Variants in ASTN2 observed in about 807,000 individuals in gnomAD.
The protein encoded by ASTN2 is astrotactin-2.
A neutral mutation model predicts 139.8 loss-of-function variants in ASTN2; 54 were observed. The observed-to-expected ratio is 0.39, with a 90% confidence interval of 0.31 to 0.48. The LOEUF (loss-of-function observed/expected upper bound fraction) is 0.48, where lower values mean the gene tolerates loss of function less well. Among genes scored for constraint, ASTN2 ranks in the 20% least tolerant of loss-of-function variants. The pLI, the probability that ASTN2 is intolerant of heterozygous loss-of-function variation, is 0.95. For missense variants in ASTN2, 1,565 were observed against 1,725.1 expected (o/e 0.91, Z 1.64); for synonymous variants, 756 against 719.5 (o/e 1.05, Z -0.81).
chr9:117,166,508 G>A (rs987140856), intron 3 of ASTN2, among the ~76,000 whole-genome samples: 11 of 152,102 alleles, frequency 7.2e-5, no homozygotes, highest in African/African-American at 2.7e-4. Flanking sequence ...GTCTATAACA[G>A]CCTCTTCATC....
intron 11 of ASTN2, among the ~76,000 whole-genome samples, chr9:116,838,457 C>G (rs1362841246): frequency 1.3e-5 from 2 of 151,570 alleles, no homozygotes; most frequent in Admixed American, 6.6e-5. Context: ...GAGTTTCACT[C>G]TTGTTGCCCA....
intron 10 of ASTN2, among the ~76,000 whole-genome samples, chr9:116,930,788 T>C (rs887895173): frequency 6.8e-4 from 103 of 152,174 alleles, no homozygotes; most frequent in Non-Finnish European, 2.4e-4. Context: ...AGGCAGACAT[T>C]TTTTGGGAAT....
In ASTN2 at chr9:116,615,874, T is replaced by A. The variant is rs537472363; in HGVS notation, c.3355+2450A>T. Among the ~76,000 whole-genome samples the A allele has an allele frequency of 2.0e-5, 3 of 151,400 alleles. No individual in the cohort carries two copies. In the South Asian group the frequency reaches 6.3e-4, roughly 32 times the overall value. ...ATGTACCCTAGAACTTAAAGTATAA[T>A]AAAAAAAATAAAAAATGAAGATACC... is the stretch of plus-strand genomic sequence containing the variant. On this transcript the variant is annotated intron_variant, in intron 19 of 22. Coordinates refer to ENST00000313400, the MANE Select transcript of ASTN2 (RefSeq NM_001365068.1).
chr9:116,760,208 A>G (rs1290305281), intron 13 of ASTN2, among the ~76,000 whole-genome samples: 2 of 152,238 alleles, frequency 1.3e-5, no homozygotes, highest in Non-Finnish European at 2.9e-5. Flanking sequence ...TGGGATGCAC[A>G]GGCTAGCCTC....
chr9:116,893,253 A>G (rs1399358458), intron 10 of ASTN2, among the ~76,000 whole-genome samples: 4 of 152,050 alleles, frequency 2.6e-5, no homozygotes, highest in Non-Finnish European at 4.4e-5. Flanking sequence ...TCTTACTCCA[A>G]GGACATTTCA....
chr9:117,115,629 T>C (rs966117488), intron 4 of ASTN2, among the ~76,000 whole-genome samples: 6 of 152,210 alleles, frequency 3.9e-5, no homozygotes, highest in African/African-American at 1.4e-4. Context: ...CAAATAGCTG[T>C]AGTTTCATTT....
chr9:116,551,846 G>T (rs1238371039), intron 19 of ASTN2, among the ~76,000 whole-genome samples: 2 of 152,174 alleles, frequency 1.3e-5, no homozygotes, highest in East Asian at 3.9e-4. Flanking sequence ...GAGTGCGGGA[G>T]CAGGAACTTT....
At chr9:116,478,112 G>T (rs1463229705) in intron 20 of ASTN2, among the ~76,000 whole-genome samples, 3 of 147,698 alleles carry the variant, frequency 2.0e-5, no homozygotes, top group South Asian at 2.2e-4. Context: ...AGAGAGGGAG[G>T]GGGTAGGGAG....
At chr9:117,126,777 GTGAT>G (rs1386458607) in intron 4 of ASTN2, among the ~76,000 whole-genome samples, 2 of 152,234 alleles carry the variant, frequency 1.3e-5, no homozygotes, top group South Asian at 2.1e-4. Flanking sequence ...GCTTGAGTGA[GTGAT>G]TGATTGACTG....
intron 19 of ASTN2, among the ~76,000 whole-genome samples, chr9:116,514,847 G>A (rs1432748018): frequency 1.3e-5 from 2 of 152,186 alleles, no homozygotes; most frequent in African/African-American, 4.8e-5. Flanking sequence ...CATTGGAAAA[G>A]CGCAGTATTA....
At chr9:117,235,424 C>T (rs1833017570) in intron 2 of ASTN2, among the ~76,000 whole-genome samples, 1 of 152,154 alleles carries the variant, frequency 6.6e-6, no homozygotes, top group Admixed American at 6.5e-5. Context: ...ACAATTTGCT[C>T]CGGGTCACGA....
intron 16 of ASTN2, among the ~76,000 whole-genome samples, chr9:116,689,475 C>G (rs944102364): frequency 6.6e-6 from 1 of 152,120 alleles, no homozygotes; most frequent in Non-Finnish European, 1.5e-5. Flanking sequence ...TAAGTAGGCT[C>G]TACTGTATTC....
At chr9:117,254,068 G>A (rs1053217291) in intron 2 of ASTN2, among the ~76,000 whole-genome samples, 2 of 152,092 alleles carry the variant, frequency 1.3e-5, no homozygotes, top group African/African-American at 4.8e-5. Context: ...AGGTTCCAAC[G>A]CCAGCTTTGC....
In ASTN2 at chr9:117,096,646, C is replaced by T. The variant is rs115498623; in HGVS notation, c.1169-495G>A. Among the ~76,000 whole-genome samples the T allele has an allele frequency of 4.6e-3, 698 of 152,228 alleles. 7 individuals carry two copies. Among genetic ancestry groups the T allele is most frequent in the African/African-American group, 0.016 (671 of 41,532 alleles). On this transcript the variant is annotated intron_variant, in intron 4 of 22. Coordinates refer to ENST00000313400, the MANE Select transcript of ASTN2 (RefSeq NM_001365068.1). ...AATAGGACTCAGTCTTTGCCAGGCA[C>T]GGGATCATAAGCTAGTCAGCAGGAC...
intron 17 of ASTN2, among the ~76,000 whole-genome samples, chr9:116,630,638 G>T (rs1208547674): frequency 6.6e-6 from 1 of 152,012 alleles, no homozygotes; most frequent in African/African-American, 2.4e-5. Flanking sequence ...GATTCATGTT[G>T]GTCTGGGCAA....
chr9:116,952,982 T>C (rs1409425511), intron 10 of ASTN2, among the ~76,000 whole-genome samples: 2 of 152,216 alleles, frequency 1.3e-5, no homozygotes, highest in Non-Finnish European at 2.9e-5. Flanking sequence ...CAGTGCGACC[T>C]TGGGCCAGGC....
At chr9:117,215,257 A>G (rs1321601672) in intron 2 of ASTN2, among the ~76,000 whole-genome samples, 1 of 152,134 alleles carries the variant, frequency 6.6e-6, no homozygotes, top group Non-Finnish European at 1.5e-5. Flanking sequence ...GCTGTCTTAC[A>G]TCTTGCTGCA....
At chr9:117,301,834 C>A (rs1328268266) in intron 1 of ASTN2, among the ~76,000 whole-genome samples, 3 of 150,506 alleles carry the variant, frequency 2.0e-5, no homozygotes, top group Admixed American at 6.6e-5. Context: ...TTGCTCCTTC[C>A]TATATTTCAC....
intron 2 of ASTN2, among the ~76,000 whole-genome samples, chr9:117,255,196 A>G (rs1833651211): frequency 6.6e-6 from 1 of 152,198 alleles, no homozygotes; most frequent in Non-Finnish European, 1.5e-5. Context: ...TTCCAGAGAG[A>G]GTGCTTCAGA....
Sources: gnomAD v4.1 joint callset for allele counts (sites outside exome capture counted in the v4.1 genomes callset) on GRCh38, gnomAD v4.1.1 for gene constraint, MANE v1.5 for transcripts, NCBI Gene and HGNC (gene_info 2026-07-23, HGNC 2026-07-21) for gene names.